Variants in ZNF100 observed in about 807,000 individuals in gnomAD.
ZNF100 encodes zinc finger protein 100, also known as zinc finger protein 100 (Y1).
ZNF100 carries 12 observed loss-of-function variants against 15.8 expected under a neutral mutation model. The observed-to-expected ratio is 0.76, with a 90% confidence interval of 0.49 to 1.23. ZNF100 has a LOEUF of 1.23. Ranked by LOEUF, ZNF100 falls within the 50% of genes most tolerant of loss-of-function variation. The probability of loss-of-function intolerance (pLI) is 0.00; values close to 1 mark genes in which losing one functional copy is unlikely to be tolerated. For synonymous variants in ZNF100, 226 were observed against 214.8 expected (o/e 1.05, Z -0.45); for missense variants, 670 against 635.6 (o/e 1.05, Z -0.58).
Position 21,767,457 on chromosome 19 carries a change from C to T in ZNF100, c.-28G>A. The T allele has an allele frequency of 6.2e-7, 1 of 1,614,124 alleles. No individual in the cohort carries two copies. Among genetic ancestry groups the T allele is most frequent in the Non-Finnish European group, 8.5e-7 (1 of 1,179,984 alleles). On this transcript the variant is annotated 5_prime_UTR_variant, in exon 1 of 5. Coordinates refer to ENST00000358296, the MANE Select transcript of ZNF100 (RefSeq NM_173531.4). The stretch of plus-strand genomic sequence containing the variant: ...CTAGGCTTCTAGGGGGTCCTGGCGT[C>T]TTAGCTGTGGATCTCCCAATATCTG...
rs1392526533 is a variant in ZNF100, at chr19:21,730,890, T to C, written c.323-2901A>G. Among the ~76,000 whole-genome samples the C allele has an allele frequency of 2.0e-5, 3 of 152,164 alleles. No individual in the cohort carries two copies. In the East Asian group the frequency reaches 5.8e-4, roughly 29 times the overall value. Reference sequence around the variant, plus strand: ...ATGGAAATTAACACACTCTTGAGCATGCTCCTGTTCAAAGATAGAAATAAT... The same window carrying C: ...ATGGAAATTAACACACTCTTGAGCACGCTCCTGTTCAAAGATAGAAATAAT... On this transcript the variant is annotated intron_variant, in intron 4 of 4. Transcript: ENST00000358296.
At chr19:21,730,880 C>T (rs1264866735) in intron 4 of ZNF100, among the ~76,000 whole-genome samples, 1 of 152,062 alleles carries the variant, frequency 6.6e-6, no homozygotes, top group Admixed American at 6.6e-5. Context: ...AATTAACACA[C>T]TCTTGAGCAT....
chr19:21,755,130 T>A (rs2036371073), intron 2 of ZNF100, among the ~76,000 whole-genome samples: 2 of 151,902 alleles, frequency 1.3e-5, no homozygotes, highest in South Asian at 4.2e-4. Context: ...CTGGCCAACA[T>A]GGAGAAACCC....
rs921103577 is a variant in ZNF100 at position 21,750,964 on chromosome 19, G to A, written c.97-5897C>T. On this transcript the variant is annotated intron_variant, in intron 2 of 4. Coordinates refer to ENST00000358296, the MANE Select transcript of ZNF100 (RefSeq NM_173531.4). ...TCTACGAGGCGGCACCCGGGGATGCGGTGGCGGTAGCGCCCGCTTCTGTGG... is the reference window on the plus strand; with the variant it reads ...TCTACGAGGCGGCACCCGGGGATGCAGTGGCGGTAGCGCCCGCTTCTGTGG... 17 of 956,750 alleles carry A rather than the reference G, an allele frequency of 1.8e-5. No individual in the cohort carries two copies. The African/African-American group carries it at 1.8e-4, about 10-fold the overall frequency. 59.3% of individuals were successfully genotyped at this position (956,750 alleles called of 1,614,324 possible). A position where few individuals can be genotyped will look rare whatever the true frequency, so the allele number is the denominator to read the frequency against.
intron 4 of ZNF100, among the ~76,000 whole-genome samples, 198 bp from the exon 5 acceptor site, chr19:21,728,187 G>T (rs758142847): frequency 6.6e-6 from 1 of 150,882 alleles, no homozygotes; most frequent in Admixed American, 6.6e-5. Context: ...TGAGTTAAGT[G>T]TGTGAAGTGC....
intron 2 of ZNF100, chr19:21,746,797 C>G (rs1043710632): frequency 6.6e-6 from 1 of 152,042 alleles, no homozygotes; most frequent in Admixed American, 6.6e-5. Context: ...GTGGACAAAG[C>G]TCTTGATGTG....
In ZNF100 at chr19:21,765,790, C is replaced by G; in HGVS notation, c.4-4G>C. ...ACATTCCATACCTCGGGTCATCCTA[C>G]GGGAGAAAATAAACCAGAAGCTGAC... On this transcript the variant is annotated splice_polypyrimidine_tract_variant and splice_region_variant and intron_variant, in intron 1 of 4. Transcript: ENST00000358296. 1 of 1,603,556 alleles carries G rather than the reference C, an allele frequency of 6.2e-7. No homozygotes were observed. The highest frequency in any genetic ancestry group is 8.5e-7 in the Non-Finnish European group (1 of 1,171,536).
At chr19:21,728,501 CCA>C (rs1463761239) in intron 4 of ZNF100, among the ~76,000 whole-genome samples, 1 of 151,972 alleles carries the variant, frequency 6.6e-6, no homozygotes, top group Non-Finnish European at 1.5e-5. Context: ...GACTGCTGTA[CCA>C]CAGACAGAAA....
Position 21,767,552 on chromosome 19 carries a change from A to C in ZNF100, c.-123T>G. 1.4e-6 allele frequency: 2 copies of C among 1,429,784 alleles called. No individual in the cohort carries two copies. Among genetic ancestry groups the C allele is most frequent in the Non-Finnish European group, 1.9e-6 (2 of 1,049,950 alleles). 88.6% of individuals were successfully genotyped at this position (1,429,784 alleles called of 1,614,324 possible). A position where few individuals can be genotyped will look rare whatever the true frequency, so the allele number is the denominator to read the frequency against. ...ACAGAGAAGTGAGAGCAAAACCTGGAGCTCCGGCTACAGCGAGAGACAAAG... is the reference window on the plus strand; with the variant it reads ...ACAGAGAAGTGAGAGCAAAACCTGGCGCTCCGGCTACAGCGAGAGACAAAG... On this transcript the variant is annotated 5_prime_UTR_variant, in exon 1 of 5. Transcript: ENST00000358296.
chr19:21,740,221 T>C (rs1454531897), intron 4 of ZNF100, among the ~76,000 whole-genome samples: 1 of 152,130 alleles, frequency 6.6e-6, no homozygotes. Flanking sequence ...GAACACACCA[T>C]AGAGAAAAGA....
At chr19:21,738,930 G>A (rs2036059404) in intron 4 of ZNF100, among the ~76,000 whole-genome samples, 1 of 152,070 alleles carries the variant, frequency 6.6e-6, no homozygotes. Context: ...AGACTACAGA[G>A]TGAAACTCCA....
intron 2 of ZNF100, among the ~76,000 whole-genome samples, chr19:21,754,236 C>CAAAAA (rs79087603): frequency 6.8e-6 from 1 of 146,068 alleles, no homozygotes; most frequent in African/African-American, 2.5e-5. Context: ...TCTACCACCT[C>CAAAAA]AAAAAAAAAA....
chr19:21,738,906 T>C (rs78982863), intron 4 of ZNF100, among the ~76,000 whole-genome samples: 13,991 of 151,970 alleles, frequency 0.092, 860 homozygotes, highest in South Asian at 0.18. Context: ...GATGGTACCA[T>C]TGCACTCCAG....
At chr19:21,747,371 G>A (rs1434884143) in intron 2 of ZNF100, among the ~76,000 whole-genome samples, 1 of 151,620 alleles carries the variant, frequency 6.6e-6, no homozygotes, top group Non-Finnish European at 1.5e-5. Context: ...TTGCCAACTG[G>A]TCATGTGATC....
At chr19:21,766,855 C>T (rs2036571789) in intron 1 of ZNF100, among the ~76,000 whole-genome samples, 1 of 151,938 alleles carries the variant, frequency 6.6e-6, no homozygotes, top group Non-Finnish European at 1.5e-5. Context: ...TAAGGCCGGC[C>T]CAGTGACAGG....
chr19:21,723,881 T>G lies in ZNF100; in HGVS notation c.*2802A>C, dbSNP rs2035725326. On this transcript the variant is annotated 3_prime_UTR_variant, in exon 5 of 5. Coordinates refer to ENST00000358296, the MANE Select transcript of ZNF100 (RefSeq NM_173531.4). ...TATAAAAAGTGAAAAGAAAAATAAC[T>G]AAAGGGCTATAGAGTTCTCCAACTA... is the stretch of plus-strand genomic sequence containing the variant. 1 of 152,138 alleles carries G rather than the reference T, an allele frequency of 6.6e-6. No individual in the cohort carries two copies. Among genetic ancestry groups the G allele is most frequent in the Admixed American group, 6.6e-5 (1 of 15,266 alleles). 9.4% of individuals were successfully genotyped at this position (152,138 alleles called of 1,614,324 possible).
intron 2 of ZNF100, among the ~76,000 whole-genome samples, chr19:21,756,776 G>A (rs2036398879): frequency 6.6e-6 from 1 of 152,154 alleles, no homozygotes; most frequent in Non-Finnish European, 1.5e-5. Flanking sequence ...AGCCTGAATA[G>A]CCAAGGCAAT....
intron 4 of ZNF100, among the ~76,000 whole-genome samples, chr19:21,731,610 C>A (rs2035921738): frequency 6.6e-6 from 1 of 152,086 alleles, no homozygotes; most frequent in African/African-American, 2.4e-5. Flanking sequence ...CCCGGCAATG[C>A]AACTTTCTGT....
At chr19:21,750,237 CCAGA>C (rs1422311452) in intron 2 of ZNF100, among the ~76,000 whole-genome samples, 2 of 152,112 alleles carry the variant, frequency 1.3e-5, no homozygotes, top group African/African-American at 4.8e-5. Flanking sequence ...TAGCAAAGAA[CCAGA>C]CAAATTTACA....
Sources: allele counts gnomAD v4.1 joint callset (sites outside exome capture counted in the v4.1 genomes callset), GRCh38; gene constraint gnomAD v4.1.1; transcripts MANE v1.5; gene names NCBI Gene and HGNC (gene_info 2026-07-23, HGNC 2026-07-21).